Variants in CGNL1 observed in about 807,000 individuals in gnomAD.
The protein encoded by CGNL1 is cingulin-like protein 1.
A neutral mutation model predicts 141.2 loss-of-function variants in CGNL1; 132 were observed. The ratio of observed to expected loss-of-function variants is 0.93; its 90% confidence interval spans 0.81 to 1.08. The LOEUF (loss-of-function observed/expected upper bound fraction) is 1.08. CGNL1 is among the 50% of genes least tolerant of loss of function. CGNL1 has a pLI of 0.00. For synonymous variants in CGNL1, 690 were observed against 622.1 expected, an observed-to-expected ratio of 1.11 and a Z score of -1.63; for missense variants, 1,870 against 1,588.6, an observed-to-expected ratio of 1.18 and a Z score of -3.01.
At chr15:57,398,551 G>C (rs1053700529) in intron 1 of CGNL1, 2 of 152,230 alleles carry the variant, frequency 1.3e-5, no homozygotes, top group African/African-American at 2.4e-5. Flanking sequence ...AGCACTGTGA[G>C]CTCTGACTCC....
chr15:57,431,054 C>T (rs1244211279), intron 1 of CGNL1, among the ~76,000 whole-genome samples: 1 of 152,154 alleles, frequency 6.6e-6, no homozygotes, highest in African/African-American at 2.4e-5. Context: ...GGTTGATTCT[C>T]CTAGGTCTCC....
chr15:57,468,304 G>A (rs1429819570), intron 8 of CGNL1, among the ~76,000 whole-genome samples: 2 of 126,774 alleles, frequency 1.6e-5, no homozygotes, highest in African/African-American at 3.1e-5. Flanking sequence ...GCAGTGGCAC[G>A]ATCTCAGCTC....
intron 8 of CGNL1, among the ~76,000 whole-genome samples, chr15:57,487,627 G>C (rs539725834): frequency 1.2e-4 from 18 of 152,254 alleles, no homozygotes; most frequent in African/African-American, 4.3e-4. Context: ...CCATGTTGAG[G>C]CAGATATTTA....
chr15:57,534,275 T>G (rs1212914060), intron 14 of CGNL1, among the ~76,000 whole-genome samples: 2 of 152,230 alleles, frequency 1.3e-5, no homozygotes, highest in Non-Finnish European at 2.9e-5. Context: ...AGGGAGGGTA[T>G]AGCCTGGTGT....
At chr15:57,536,365 G>C (rs573182960) in intron 14 of CGNL1, among the ~76,000 whole-genome samples, 26 of 152,252 alleles carry the variant, frequency 1.7e-4, no homozygotes, top group African/African-American at 5.8e-4. Flanking sequence ...TACATGCTCA[G>C]GACAATATTA....
Position 57,518,403 on chromosome 15 carries a change from G to T in CGNL1, c.2621G>T (p.Arg874Leu). ...ETLKKYEGEIRQLEEALVHAR... is the reference protein window; with the variant it reads ...ETLKKYEGEILQLEEALVHAR... The stretch of plus-strand genomic sequence containing the variant: ...AGTGTTTCATTGTAGGGAGAAATAC[G>T]ACAGTTAGAGGAGGCCCTTGTGCAC... Residue 874 changes from arginine to leucine, a missense_variant, in exon 10 of 19, where the codon CGA (arginine) becomes CTA (leucine). By Grantham distance (102) the Arg-to-Leu change is moderately radical. Coordinates refer to ENST00000281282, the MANE Select transcript of CGNL1 (RefSeq NM_032866.5). 1 of 1,612,790 alleles carries T rather than the reference G, an allele frequency of 6.2e-7. No individual in the cohort carries two copies. Among genetic ancestry groups the T allele is most frequent in the Admixed American group, 1.7e-5 (1 of 59,890 alleles).
At chr15:57,458,923 A>C (rs2063412685) in intron 7 of CGNL1, among the ~76,000 whole-genome samples, 1 of 152,164 alleles carries the variant, frequency 6.6e-6, no homozygotes, top group Non-Finnish European at 1.5e-5. Context: ...TGATGGGCAA[A>C]ATCTTAGTCT....
intron 8 of CGNL1, among the ~76,000 whole-genome samples, chr15:57,503,964 G>A (rs1312203089): frequency 6.6e-6 from 1 of 152,084 alleles, no homozygotes; most frequent in African/African-American, 2.4e-5. Flanking sequence ...ATATCAGGGT[G>A]GTATGGGTAT....
chr15:57,513,350 G>T (rs1404046977), intron 8 of CGNL1, among the ~76,000 whole-genome samples: 1 of 151,718 alleles, frequency 6.6e-6, no homozygotes, highest in African/African-American at 2.4e-5. Context: ...ATGTTGTGGT[G>T]TGTGTCAGTA....
At chr15:57,490,952 G>A (rs1246491266) in intron 8 of CGNL1, among the ~76,000 whole-genome samples, 2 of 152,086 alleles carry the variant, frequency 1.3e-5, no homozygotes, top group Non-Finnish European at 2.9e-5. Context: ...TATACCTTGC[G>A]CAGTACTCCT....
chr15:57,400,309 T>C (rs928356368), intron 1 of CGNL1, among the ~76,000 whole-genome samples: 2 of 152,180 alleles, frequency 1.3e-5, no homozygotes, highest in Non-Finnish European at 2.9e-5. Flanking sequence ...CATTCTTAGG[T>C]CTGCCTTTTG....
rs772519391 is a variant in CGNL1 at position 57,461,667 on chromosome 15, TTCCTC to T, written c.2191-10_2191-6del. 3.7e-6 allele frequency: 6 copies of T among 1,611,804 alleles called. No individual in the cohort carries two copies. In the African/African-American group the frequency reaches 8.0e-5, roughly 21 times the overall value. On this transcript the variant is annotated splice_polypyrimidine_tract_variant and splice_region_variant and intron_variant, in intron 7 of 18. Coordinates refer to ENST00000281282, the MANE Select transcript of CGNL1 (RefSeq NM_032866.5). ...TCATTGTCACCTTCTCCCTTCGTGT[TTCCTC>T]TCTCTAGGAGCTCTTACAGGCAAAA...
chr15:57,524,771 GTTCTTCCTTTATCCCTTA>G lies in CGNL1; in HGVS notation c.3039+24_3039+41del. On this transcript the variant is annotated intron_variant, in intron 12 of 18. Transcript: ENST00000281282. ...GATGAGGTAATGCCTGGCCAGATAA[GTTCTTCCTTTATCCCTTA>G]TTCAAAGTATCCTTTGCCCTGAAAG... 6.2e-7 allele frequency: 1 copy of G among 1,612,216 alleles called. No homozygotes were observed. Among genetic ancestry groups the G allele is most frequent in the Non-Finnish European group, 8.5e-7 (1 of 1,179,044 alleles).
chr15:57,480,114 G>A (rs1261651145), intron 8 of CGNL1, among the ~76,000 whole-genome samples: 1 of 152,166 alleles, frequency 6.6e-6, no homozygotes, highest in Non-Finnish European at 1.5e-5. Context: ...GAAATAAAGT[G>A]TGAACTGTGA....
At chr15:57,460,606 C>T (rs940389824) in intron 7 of CGNL1, among the ~76,000 whole-genome samples, 1 of 152,138 alleles carries the variant, frequency 6.6e-6, no homozygotes, top group African/African-American at 2.4e-5. Context: ...AAGCAGGCAC[C>T]TTCTTCACAA....
At chr15:57,471,692 G>C (rs1459307730) in intron 8 of CGNL1, among the ~76,000 whole-genome samples, 1 of 152,284 alleles carries the variant, frequency 6.6e-6, no homozygotes, top group South Asian at 2.1e-4. Flanking sequence ...TCCCACCTGC[G>C]ATGAACAGTG....
rs151263658 is a variant in CGNL1, at chr15:57,436,092, A to G, written c.-15-1893A>G. Among the ~76,000 whole-genome samples, 613 of 152,326 alleles carry G rather than the reference A, an allele frequency of 4.0e-3. 6 individuals are homozygous for G. The highest frequency in any genetic ancestry group is 0.014 in the African/African-American group (579 of 41,568). ...GGGTCAAAGCAGAAATCAAAACCCC[A>G]AAGAGAAACTATCTAGAAAATAGTA... On this transcript the variant is annotated intron_variant, in intron 1 of 18. Coordinates refer to ENST00000281282, the MANE Select transcript of CGNL1 (RefSeq NM_032866.5).
At chr15:57,473,211 T>C (rs1022039986) in intron 8 of CGNL1, among the ~76,000 whole-genome samples, 5 of 152,200 alleles carry the variant, frequency 3.3e-5, no homozygotes, top group Non-Finnish European at 5.9e-5. Flanking sequence ...GGAAAAAAGC[T>C]TTATTATTGG....
At chr15:57,399,332 C>T (rs2062634917) in intron 1 of CGNL1, among the ~76,000 whole-genome samples, 1 of 152,174 alleles carries the variant, frequency 6.6e-6, no homozygotes, top group African/African-American at 2.4e-5. Context: ...CTTTCCTAGC[C>T]TCTAATAACC....
Sources: allele counts gnomAD v4.1 joint callset (sites outside exome capture counted in the v4.1 genomes callset), GRCh38; gene constraint gnomAD v4.1.1; transcripts MANE v1.5; gene names NCBI Gene and HGNC (gene_info 2026-07-23, HGNC 2026-07-21).